Variants in GALNT13 observed in about 807,000 individuals in gnomAD.
GALNT13 encodes the protein polypeptide N-acetylgalactosaminyltransferase 13, also known as UDP-GalNAc:polypeptide N-acetylgalactosaminyltransferase 13.
A neutral mutation model predicts 64.2 loss-of-function variants in GALNT13; 28 were observed. That is an observed-to-expected ratio of 0.44 (90% CI 0.32 to 0.60). The LOEUF is 0.60. GALNT13 is among the 20% of genes least tolerant of loss of function. GALNT13 has a pLI of 0.05. For missense variants in GALNT13, 577 were observed against 669.8 expected (o/e 0.86, Z 1.53); for synonymous variants, 214 against 224.6 (o/e 0.95, Z 0.42).
intron 9 of GALNT13, among the ~76,000 whole-genome samples, chr2:154,370,240 G>A (rs1047563682): frequency 6.6e-6 from 1 of 152,022 alleles, no homozygotes; most frequent in Non-Finnish European, 1.5e-5. Context: ...AGATCTTGAA[G>A]GTCTTCTAGA....
chr2:153,442,085 G>T, the GALNT13 span, among the ~76,000 whole-genome samples: 3 of 152,098 alleles, frequency 2.0e-5, no homozygotes, highest in Non-Finnish European at 4.4e-5. Context: ...CTGTGGGTTT[G>T]TCATAAATAG....
At chr2:153,625,875 T>A in the GALNT13 span, among the ~76,000 whole-genome samples, 1 of 152,040 alleles carries the variant, frequency 6.6e-6, no homozygotes, top group East Asian at 1.9e-4. Flanking sequence ...ACAGCTTGCA[T>A]GTAATACAAG....
chr2:153,167,520 G>A, the GALNT13 span, among the ~76,000 whole-genome samples: 1 of 152,140 alleles, frequency 6.6e-6, no homozygotes, highest in Non-Finnish European at 1.5e-5. Flanking sequence ...GACACAACTG[G>A]GTCAAGTTGC....
chr2:154,357,989 C>A (rs1422727773), intron 9 of GALNT13, among the ~76,000 whole-genome samples: 1 of 152,032 alleles, frequency 6.6e-6, no homozygotes, highest in Non-Finnish European at 1.5e-5. Flanking sequence ...CTCATCTCAG[C>A]CCAATTTGTG....
the GALNT13 span, among the ~76,000 whole-genome samples, chr2:153,380,569 T>C: frequency 6.6e-6 from 1 of 151,046 alleles, no homozygotes; most frequent in African/African-American, 2.4e-5. Context: ...CTGTGGATTT[T>C]GGTAAGGGGG....
intron 4 of GALNT13, among the ~76,000 whole-genome samples, chr2:154,195,037 C>T (rs1425422658): frequency 9.2e-5 from 14 of 151,886 alleles, no homozygotes; most frequent in Non-Finnish European, 2.1e-4. Flanking sequence ...GCCTTCCATC[C>T]CCTGACAGGT....
chr2:154,075,972 A>C (rs927721773), intron 3 of GALNT13, among the ~76,000 whole-genome samples: 2 of 151,664 alleles, frequency 1.3e-5, no homozygotes, highest in Non-Finnish European at 3.0e-5. Flanking sequence ...ACCCTTTGAA[A>C]TAATGTACCG....
At chr2:153,359,177 G>T in the GALNT13 span, among the ~76,000 whole-genome samples, 24,637 of 151,964 alleles carry the variant, frequency 0.16, 2,123 homozygotes, top group South Asian at 0.25. Flanking sequence ...GCATTCTTTT[G>T]TACATGTAAG....
At chr2:153,678,418 A>G in the GALNT13 span, among the ~76,000 whole-genome samples, 1 of 152,100 alleles carries the variant, frequency 6.6e-6, no homozygotes, top group African/African-American at 2.4e-5. Flanking sequence ...TAAGTGAATT[A>G]ATGTAATAAC....
At chr2:153,230,274 A>G in the GALNT13 span, among the ~76,000 whole-genome samples, 1 of 152,250 alleles carries the variant, frequency 6.6e-6, no homozygotes, top group African/African-American at 2.4e-5. Context: ...TTATAGAGCG[A>G]CAAAGAATAT....
intron 9 of GALNT13, among the ~76,000 whole-genome samples, chr2:154,342,699 A>G (rs754456187): frequency 6.6e-6 from 1 of 152,036 alleles, no homozygotes; most frequent in Non-Finnish European, 1.5e-5. Context: ...AACAGAGACT[A>G]TATGTCTCAC....
chr2:154,054,516 A>G (rs1382459559), intron 3 of GALNT13, among the ~76,000 whole-genome samples: 2 of 152,066 alleles, frequency 1.3e-5, no homozygotes. Context: ...GCCTTTACTT[A>G]AGAAACCTAA....
the GALNT13 span, among the ~76,000 whole-genome samples, chr2:153,169,066 CA>C: frequency 6.6e-6 from 1 of 151,844 alleles, no homozygotes; most frequent in Non-Finnish European, 1.5e-5. Context: ...ATTTTTGCTT[CA>C]GATGCAGTCA....
the GALNT13 span, among the ~76,000 whole-genome samples, chr2:153,511,143 A>G: frequency 1.1e-4 from 17 of 152,258 alleles, no homozygotes; most frequent in African/African-American, 3.8e-4. Context: ...AAATCTATTC[A>G]TGCCTTTTGA....
the GALNT13 span, among the ~76,000 whole-genome samples, chr2:153,372,638 C>A: frequency 6.9e-6 from 1 of 144,442 alleles, no homozygotes. Context: ...GAGCGAGACT[C>A]TGTCTCAAAA....
At chr2:153,590,227 G>C in the GALNT13 span, among the ~76,000 whole-genome samples, 7 of 151,988 alleles carry the variant, frequency 4.6e-5, no homozygotes, top group African/African-American at 1.7e-4. Context: ...TTATAAACTA[G>C]AAAACTTAGA....
intron 9 of GALNT13, among the ~76,000 whole-genome samples, chr2:154,341,314 T>C (rs1189268980): frequency 6.6e-6 from 1 of 152,134 alleles, no homozygotes; most frequent in Admixed American, 6.6e-5. Flanking sequence ...ATCTATGCTC[T>C]TGTATAGAGT....
intron 4 of GALNT13, among the ~76,000 whole-genome samples, chr2:154,172,795 C>T (rs939430962): frequency 2.6e-5 from 4 of 151,582 alleles, no homozygotes; most frequent in Admixed American, 6.6e-5. Context: ...CAAGAAAAAA[C>T]TATACAACAT....
chr2:153,228,384 T>C, the GALNT13 span, among the ~76,000 whole-genome samples: 1 of 152,226 alleles, frequency 6.6e-6, no homozygotes, highest in Non-Finnish European at 1.5e-5. Context: ...GCATTTAATT[T>C]TTTTTGGCAC....
Sources: gnomAD v4.1 joint callset for allele counts (sites outside exome capture counted in the v4.1 genomes callset) on GRCh38, gnomAD v4.1.1 for gene constraint, MANE v1.5 for transcripts, NCBI Gene and HGNC (gene_info 2026-07-23, HGNC 2026-07-21) for gene names.